Variants in SUN3 observed in about 807,000 individuals in gnomAD.
SUN3 encodes SUN domain-containing protein 3.
SUN3 carries 36 observed loss-of-function variants against 48.2 expected under a neutral mutation model. The observed-to-expected ratio is 0.75, with a 90% CI of 0.57 to 0.99. SUN3 has a LOEUF of 0.99. Ranked by LOEUF, SUN3 falls within the 50% of genes least tolerant of loss-of-function variation. The pLI, the probability that SUN3 is intolerant of heterozygous loss-of-function variation, is 0.00. For missense variants in SUN3, 419 were observed against 433.1 expected (o/e 0.97, Z 0.29); for synonymous variants, 148 against 147.9 (o/e 1.00, Z 0.00).
intron 2 of SUN3, among the ~76,000 whole-genome samples, chr7:48,019,451 A>G (rs1399404822): frequency 6.6e-6 from 1 of 152,164 alleles, no homozygotes; most frequent in East Asian, 1.9e-4. Context: ...TAAAGATCAG[A>G]GAAGAAATAA....
chr7:47,991,017 A>G lies in SUN3; in HGVS notation c.862-2137T>C, dbSNP rs373715050. 534 of 455,968 alleles carry G rather than the reference A, an allele frequency of 1.2e-3. 11 individuals are homozygous for G. The highest frequency in any genetic ancestry group is 8.1e-3 in the South Asian group (520 of 64,524). The allele number at this position is 455,968 out of a possible 1,614,324, so 28.2% of individuals were successfully genotyped here. A position where few individuals can be genotyped will look rare whatever the true frequency, so the allele number is the denominator to read the frequency against. On this transcript the variant is annotated intron_variant, in intron 8 of 9. Transcript: ENST00000297325. The stretch of plus-strand genomic sequence containing the variant: ...TTGGGTATTACTACTTACCGCCTGT[A>G]TAACAAACCTGCACATATACCTCTG...
At chr7:47,995,077 G>A (rs1391665496) in intron 7 of SUN3, among the ~76,000 whole-genome samples, 2 of 152,122 alleles carry the variant, frequency 1.3e-5, no homozygotes, top group African/African-American at 2.4e-5. Flanking sequence ...TAATGGTAGT[G>A]GTGGTGATAG....
rs758152887 is a variant in SUN3, at chr7:48,020,315, C to T, written c.185-2950G>A. Among the ~76,000 whole-genome samples, 14 of 152,008 alleles carry T rather than the reference C, an allele frequency of 9.2e-5. No homozygotes were observed. In the East Asian group the frequency reaches 1.3e-3, roughly 15 times the overall value. On this transcript the variant is annotated intron_variant, in intron 2 of 9. Coordinates refer to ENST00000297325, the MANE Select transcript of SUN3 (RefSeq NM_001030019.2). ...TGGGTATAGAAGGAACATACCTCAA[C>T]GTAATAAAAGCCATGAATGACAGAC...
intron 6 of SUN3, among the ~76,000 whole-genome samples, chr7:47,996,788 C>T (rs1011429217): frequency 2.6e-5 from 4 of 150,966 alleles, no homozygotes; most frequent in African/African-American, 9.7e-5. Context: ...ATTATCCTTA[C>T]TTTTTCTTTC....
intron 7 of SUN3, among the ~76,000 whole-genome samples, chr7:47,994,781 A>T (rs764315755): frequency 1.8e-4 from 25 of 139,082 alleles, no homozygotes; most frequent in Non-Finnish European, 3.3e-4. Flanking sequence ...AGTGAGGATG[A>T]TGATGGTGAC....
chr7:48,007,407 T>C (rs76346443), intron 4 of SUN3, 80 bp from the exon 5 acceptor site: 67 of 1,284,316 alleles, frequency 5.2e-5, no homozygotes, highest in Admixed American at 1.6e-4. Flanking sequence ...CCACCCGCCA[T>C]GTGATGAGGT....
chr7:48,010,748 A>G (rs761487248), intron 3 of SUN3, among the ~76,000 whole-genome samples: 2 of 152,096 alleles, frequency 1.3e-5, no homozygotes, highest in African/African-American at 2.4e-5. Context: ...ACTCAAAGGG[A>G]CCCTATGAGT....
intron 3 of SUN3, among the ~76,000 whole-genome samples, chr7:48,011,988 T>A (rs1198876567): frequency 6.6e-6 from 1 of 152,312 alleles, no homozygotes; most frequent in East Asian, 1.9e-4. Flanking sequence ...ATTTACCACA[T>A]CCACAATGTG....
Position 48,011,266 on chromosome 7 carries a change from C to T in SUN3, c.289-2191G>A, listed in dbSNP as rs549747840. Among the ~76,000 whole-genome samples the T allele has an allele frequency of 9.7e-4, 148 of 152,282 alleles. 3 individuals carry two copies. The South Asian group carries it at 0.03, about 30-fold the overall frequency. On this transcript the variant is annotated intron_variant, in intron 3 of 9. Transcript: ENST00000297325. ...TGCTCCATCTTTACCCAGTAATTAG[C>T]TTGCTTTTCTGTTACAAAGACTGGC...
chr7:47,991,197 G>A (rs751013411), intron 8 of SUN3, among the ~76,000 whole-genome samples: 1 of 152,178 alleles, frequency 6.6e-6, no homozygotes, highest in Non-Finnish European at 1.5e-5. Flanking sequence ...GATCACAGGA[G>A]CAGATACTGC....
At chr7:48,006,967 T>C (rs1004571997) in intron 5 of SUN3, among the ~76,000 whole-genome samples, 198 bp downstream of exon 5, 4 of 152,212 alleles carry the variant, frequency 2.6e-5, no homozygotes, top group Non-Finnish European at 5.9e-5. Context: ...TCATATGCAA[T>C]AGAATGTCTT....
Position 48,006,068 on chromosome 7 carries a change from TA to T in SUN3, c.493-16del. The T allele has an allele frequency of 6.5e-7, 1 of 1,532,018 alleles. No homozygotes were observed. The highest frequency in any genetic ancestry group is 9.0e-7 in the Non-Finnish European group (1 of 1,115,988). The allele number at this position is 1,532,018 out of a possible 1,614,324, so 94.9% of individuals were successfully genotyped here. ...TTTGACACTTCCTGTAGAAATTTTATAAACAGTTTTCTGTTAACAATCTTTG... is the reference window on the plus strand; with the variant it reads ...TTTGACACTTCCTGTAGAAATTTTATAACAGTTTTCTGTTAACAATCTTTG... On this transcript the variant is annotated splice_polypyrimidine_tract_variant and intron_variant, in intron 5 of 9. Coordinates refer to ENST00000297325, the MANE Select transcript of SUN3 (RefSeq NM_001030019.2).
intron 6 of SUN3, among the ~76,000 whole-genome samples, chr7:48,005,073 T>C (rs1326497262): frequency 6.6e-6 from 1 of 152,228 alleles, no homozygotes; most frequent in African/African-American, 2.4e-5. Context: ...TTCGTCATCA[T>C]AGGCTTTTCA....
chr7:48,017,875 A>AT (rs1789855381), intron 2 of SUN3, among the ~76,000 whole-genome samples: 1 of 152,194 alleles, frequency 6.6e-6, no homozygotes, highest in Admixed American at 6.5e-5. Context: ...GGAAGTGGCA[A>AT]TATCTATTGA....
chr7:48,003,029 C>CA (rs1562603539), intron 6 of SUN3, among the ~76,000 whole-genome samples: 1 of 147,932 alleles, frequency 6.8e-6, no homozygotes. Context: ...CCAGGGTTTT[C>CA]TTTTTTTTTT....
At chr7:47,995,429 T>C (rs1267293571) in intron 7 of SUN3, among the ~76,000 whole-genome samples, 1 of 152,152 alleles carries the variant, frequency 6.6e-6, no homozygotes, top group Admixed American at 6.5e-5. Flanking sequence ...ACTTTGTAGA[T>C]ATAAACTACA....
In SUN3 at chr7:48,025,774, G is replaced by A. The variant is rs182408878; in HGVS notation, c.184+103C>T. The A allele has an allele frequency of 4.6e-4, 337 of 725,934 alleles. No homozygotes were observed. In the African/African-American group the frequency reaches 5.6e-3, roughly 12 times the overall value. The allele number at this position is 725,934 out of a possible 1,614,324, so 45.0% of individuals were successfully genotyped here. A position where few individuals can be genotyped will look rare whatever the true frequency, so the allele number is the denominator to read the frequency against. ...GTGCAGGTCACCTCCAGCACTTTCC[G>A]TGGCATTTATTTACAAATATGAGTC... On this transcript the variant is annotated intron_variant, in intron 2 of 9. Transcript: ENST00000297325.
intron 6 of SUN3, among the ~76,000 whole-genome samples, chr7:47,997,148 G>C (rs189059201): frequency 6.6e-6 from 1 of 152,190 alleles, no homozygotes; most frequent in East Asian, 1.9e-4. Flanking sequence ...AATAGTAATT[G>C]AGTTCCTAGA....
At chr7:48,004,211 C>T (rs1266121779) in intron 6 of SUN3, among the ~76,000 whole-genome samples, 1 of 152,284 alleles carries the variant, frequency 6.6e-6, no homozygotes, top group Non-Finnish European at 1.5e-5. Context: ...CATCTGTTGT[C>T]TTTTCCCTTG....
Sources: allele counts gnomAD v4.1 joint callset (sites outside exome capture counted in the v4.1 genomes callset), GRCh38; gene constraint gnomAD v4.1.1; transcripts MANE v1.5; gene names NCBI Gene and HGNC (gene_info 2026-07-23, HGNC 2026-07-21).